The following GCC2 variants were observed in gnomAD, a reference collection of about 807,000 sequenced individuals.
GCC2 encodes the protein GRIP and coiled-coil domain containing 2.
GCC2 carries 120 observed loss-of-function variants against 210.6 expected under a neutral mutation model. That is an observed-to-expected ratio of 0.57 (90% CI 0.49 to 0.66). The LOEUF is 0.66. GCC2 is among the 30% of genes least tolerant of loss of function. The pLI, the probability that GCC2 is intolerant of heterozygous loss-of-function variation, is 0.00. For missense variants in GCC2, 1,868 were observed against 1,871.9 expected (o/e 1.00, Z 0.04); for synonymous variants, 703 against 652.7 (o/e 1.08, Z -1.17).
In GCC2 at chr2:108,470,392, G is replaced by C. The variant is rs760076821; in HGVS notation, c.1063G>C (p.Val355Leu). The change falls in exon 6 of 23, where the codon GTA (valine) becomes CTA (leucine). Residue 355 changes from valine to leucine, a missense_variant. By Grantham distance (32) the Val-to-Leu change is conservative (BLOSUM62 1). Coordinates refer to ENST00000309863, the MANE Select transcript of GCC2 (RefSeq NM_181453.4). ...ESQHSILKDE[V>L]TYMNNLKLKL... ...TCAACACAGTATCTTAAAAGATGAG[G>C]TAACTTATATGAATAATCTTAAGTT... The C allele has an allele frequency of 1.2e-6, 2 of 1,606,696 alleles. No homozygotes were observed. Among genetic ancestry groups the C allele is most frequent in the Admixed American group, 3.4e-5 (2 of 59,472 alleles).
intron 4 of GCC2, among the ~76,000 whole-genome samples, chr2:108,467,657 G>A (rs1680976097): frequency 6.6e-6 from 1 of 152,122 alleles, no homozygotes; most frequent in Admixed American, 6.6e-5. Flanking sequence ...ATGTGGATTA[G>A]CAGTAGTGAT....
In GCC2 at chr2:108,452,256, T is replaced by G. The variant is rs1249673559; in HGVS notation, c.149-143T>G. 4 of 654,524 alleles carry G rather than the reference T, an allele frequency of 6.1e-6. No homozygotes were observed. In the Admixed American group the frequency reaches 1.1e-4, roughly 18 times the overall value. 40.5% of individuals were successfully genotyped at this position (654,524 alleles called of 1,614,324 possible). A position where few individuals can be genotyped will look rare whatever the true frequency, so the allele number is the denominator to read the frequency against. On this transcript the variant is annotated intron_variant, in intron 3 of 22. Transcript: ENST00000309863. ...TGTAATGCTGAAGTATAGTGATGAG[T>G]GCAGAGATTAATCATACTATTCTGC...
chr2:108,462,031 G>A (rs1275294947), intron 4 of GCC2, among the ~76,000 whole-genome samples: 1 of 145,712 alleles, frequency 6.9e-6, no homozygotes, highest in East Asian at 2.1e-4. Context: ...TAGAGACGGG[G>A]TTTCACCCTG....
At chr2:108,497,517 C>T (rs1239073893) in intron 21 of GCC2, among the ~76,000 whole-genome samples, 1 of 152,196 alleles carries the variant, frequency 6.6e-6, no homozygotes, top group Non-Finnish European at 1.5e-5. Flanking sequence ...GTTCACAAAT[C>T]ATTGTTCACA....
At chr2:108,476,054 C>CCTTTTTTTTTTTTTT (rs1558744710) in intron 9 of GCC2, among the ~76,000 whole-genome samples, 3 of 96,328 alleles carry the variant, frequency 3.1e-5, no homozygotes, top group African/African-American at 3.8e-5. Flanking sequence ...TAGTGGCTTG[C>CCTTTTTTTTTTTTTT]TTTTTTTTTT....
chr2:108,481,825 T>G lies in GCC2; in HGVS notation c.3180+9T>G. The G allele has an allele frequency of 6.5e-7, 1 of 1,542,138 alleles. No individual in the cohort carries two copies. Among genetic ancestry groups the G allele is most frequent in the South Asian group, 1.2e-5 (1 of 81,402 alleles). ...GAAATTCGACTTTGCAGGTAATTTT[T>G]TAATAAATCCAAAAATGAAAACTAT... On this transcript the variant is annotated intron_variant, in intron 10 of 22. Transcript: ENST00000309863.
intron 4 of GCC2, among the ~76,000 whole-genome samples, chr2:108,464,660 C>T (rs964304824): frequency 6.6e-6 from 1 of 152,164 alleles, no homozygotes; most frequent in African/African-American, 2.4e-5. Context: ...GCTGCCTTGC[C>T]TCCTTCCCTT....
chr2:108,470,800 C>G lies in GCC2; in HGVS notation c.1471C>G (p.Gln491Glu). Residue 491 changes from glutamine (Q) to glutamate (E), a missense_variant, in exon 6 of 23, where the codon CAA becomes GAA. This residue lies in a region of GCC2 where 1,847 missense variants were observed against 1,765.2 expected (regional missense o/e 1.05). Coordinates refer to ENST00000309863, the MANE Select transcript of GCC2 (RefSeq NM_181453.4). ...ESLREIMEIL[Q>E]TELGESAGKI... is the part of the protein sequence containing the mutation. ...TTTACGAGAGATTATGGAAATTTTACAAACAGAACTGGGGGAATCTGCTGG... is the reference window on the plus strand; with the variant it reads ...TTTACGAGAGATTATGGAAATTTTAGAAACAGAACTGGGGGAATCTGCTGG... The G allele has an allele frequency of 6.2e-7, 1 of 1,613,570 alleles. No homozygotes were observed. Among genetic ancestry groups the G allele is most frequent in the Admixed American group, 1.7e-5 (1 of 59,972 alleles).
At chr2:108,491,800 G>T (rs1682415600) in intron 18 of GCC2, among the ~76,000 whole-genome samples, 1 of 149,982 alleles carries the variant, frequency 6.7e-6, no homozygotes. Context: ...TTTTACCAAA[G>T]CCAAACATAT....
chr2:108,501,425 T>C (rs546670340), intron 22 of GCC2, among the ~76,000 whole-genome samples: 116 of 152,004 alleles, frequency 7.6e-4, no homozygotes, highest in Middle Eastern at 3.4e-3. Flanking sequence ...GAACTTGTTC[T>C]AATTGCCTAT....
chr2:108,494,999 A>G lies in GCC2; in HGVS notation c.4448-292A>G, dbSNP rs13027225. On this transcript the variant is annotated intron_variant, in intron 19 of 22. Transcript: ENST00000309863. ...GCTGATTTTTGTATTTTTAGTAGAG[A>G]TAGGGTTTCACCATCTTGGCCAGGC... is the stretch of plus-strand genomic sequence containing the variant. 722 of 181,368 alleles carry G rather than the reference A, an allele frequency of 4.0e-3. 3 individuals carry two copies. The highest frequency in any genetic ancestry group is 6.9e-3 in the Non-Finnish European group (591 of 85,926). The allele number at this position is 181,368 out of a possible 1,614,324, so 11.2% of individuals were successfully genotyped here.
chr2:108,478,119 T>A (rs1681638497), intron 9 of GCC2, among the ~76,000 whole-genome samples: 1 of 152,180 alleles, frequency 6.6e-6, no homozygotes, highest in Admixed American at 6.5e-5. Flanking sequence ...TAGGGTCTCT[T>A]AAAATGTAAA....
At chr2:108,474,215 G>C (rs959661005) in intron 7 of GCC2, among the ~76,000 whole-genome samples, 1 of 152,100 alleles carries the variant, frequency 6.6e-6, no homozygotes, top group Non-Finnish European at 1.5e-5. Flanking sequence ...ATAGCCAAAA[G>C]ATGGAGACCA....
chr2:108,506,742 T>C, intron 22 of GCC2, among the ~76,000 whole-genome samples: 1 of 152,204 alleles, frequency 6.6e-6, no homozygotes, highest in East Asian at 1.9e-4. Flanking sequence ...AATCCTCTTA[T>C]CGTCAACAAT....
chr2:108,502,796 G>A (rs534345668), intron 22 of GCC2, among the ~76,000 whole-genome samples: 112 of 152,108 alleles, frequency 7.4e-4, no homozygotes, highest in Middle Eastern at 3.4e-3. Context: ...GGTGGCACAT[G>A]CCTGTAATCC....
chr2:108,476,056 T>TCC (rs1681503790), intron 9 of GCC2, among the ~76,000 whole-genome samples: 4 of 71,814 alleles, frequency 5.6e-5, no homozygotes, highest in Admixed American at 2.7e-4. Flanking sequence ...GTGGCTTGCT[T>TCC]TTTTTTTTTT....
At chr2:108,495,962 C>A (rs1470233014) in intron 20 of GCC2, 1 of 153,986 alleles carries the variant, frequency 6.5e-6, no homozygotes, top group African/African-American at 2.4e-5. Context: ...ATGTTAATCC[C>A]TTTGGCAACA....
chr2:108,498,487 C>G (rs1283989148), intron 21 of GCC2, among the ~76,000 whole-genome samples: 1 of 151,966 alleles, frequency 6.6e-6, no homozygotes, highest in Admixed American at 6.6e-5. Context: ...AGCCACCACG[C>G]CTGGCCAAAT....
Position 108,472,874 on chromosome 2 carries a change from A to C in GCC2, c.2835A>C (p.Ser945=), listed in dbSNP as rs1558742437. 10 of 1,592,566 alleles carry C rather than the reference A, an allele frequency of 6.3e-6. No homozygotes were observed. The highest frequency in any genetic ancestry group is 8.6e-6 in the Non-Finnish European group (10 of 1,165,500). ...SPSVKNDPLS[S]VKELEEKIEN... is the part of the protein sequence containing the mutation. ...CTGTAAAAAATGATCCTCTGTCTTC[A>C]GTAAAAGAGTTGGAAGAAAAAATAG... The change falls in exon 7 of 23, where the codon TCA becomes TCC. Residue 945 remains serine (S), a synonymous_variant. Transcript: ENST00000309863.
Sources: allele counts gnomAD v4.1 joint callset (sites outside exome capture counted in the v4.1 genomes callset), GRCh38; gene constraint gnomAD v4.1.1; regional missense constraint gnomAD v4.1.1; transcripts MANE v1.5; gene names NCBI Gene and HGNC (gene_info 2026-07-23, HGNC 2026-07-21).